ZFPM2: variants seen among roughly 807,000 people sequenced by gnomAD.
ZFPM2 encodes zinc finger protein ZFPM2.
Under a neutral mutation model 98.6 loss-of-function variants are expected in ZFPM2, and 20 were observed. That is an observed-to-expected ratio of 0.20 (90% confidence interval 0.14 to 0.29). The LOEUF (loss-of-function observed/expected upper bound fraction) is 0.29. ZFPM2 is among the 10% of genes least tolerant of loss of function. The pLI is 1.00. For synonymous variants in ZFPM2, 518 were observed against 502.7 expected, an observed-to-expected ratio of 1.03 and a Z score of -0.41; for missense variants, 1,310 against 1,388.6, an observed-to-expected ratio of 0.94 and a Z score of 0.90.
At chr8:105,338,233 C>T (rs1350909295) in intron 1 of ZFPM2, among the ~76,000 whole-genome samples, 1 of 151,736 alleles carries the variant, frequency 6.6e-6, no homozygotes, top group East Asian at 1.9e-4. Flanking sequence ...TACTTATGAC[C>T]TCTTCCTTCC....
intron 5 of ZFPM2, chr8:105,662,656 A>G (rs1817413037): frequency 8.1e-6 from 1 of 123,732 alleles, no homozygotes; most frequent in Admixed American, 8.3e-5. Flanking sequence ...CACAACCACA[A>G]CCCTTTCAAA....
At chr8:105,396,009 A>G (rs773734197) in intron 1 of ZFPM2, among the ~76,000 whole-genome samples, 4 of 152,184 alleles carry the variant, frequency 2.6e-5, no homozygotes, top group Admixed American at 2.6e-4. Flanking sequence ...CAAGTGTTTA[A>G]GCTTGTGATT....
intron 5 of ZFPM2, among the ~76,000 whole-genome samples, chr8:105,660,694 C>T (rs1469416681): frequency 2.0e-5 from 3 of 152,100 alleles, no homozygotes; most frequent in South Asian, 4.2e-4. Flanking sequence ...GAAAATGTAA[C>T]TTCTGGTATC....
intron 1 of ZFPM2, among the ~76,000 whole-genome samples, chr8:105,408,325 G>T (rs956891424): frequency 2.0e-5 from 3 of 151,890 alleles, no homozygotes; most frequent in Admixed American, 1.3e-4. Flanking sequence ...GCTTTTGGGA[G>T]CCTCTTGAGA....
At chr8:105,673,262 ATT>A (rs368759700) in intron 5 of ZFPM2, among the ~76,000 whole-genome samples, 1 of 107,442 alleles carries the variant, frequency 9.3e-6, no homozygotes, top group African/African-American at 3.7e-5. Context: ...ATCAAGTCTC[ATT>A]TTTTTTTTGT....
intron 6 of ZFPM2, among the ~76,000 whole-genome samples, chr8:105,795,351 T>TCACACA (rs34036735): frequency 8.9e-5 from 13 of 145,544 alleles, no homozygotes; most frequent in African/African-American, 2.5e-4. Context: ...TTCCTGAATG[T>TCACACA]CACACACACA....
chr8:105,445,505 C>T (rs573136965), intron 3 of ZFPM2, among the ~76,000 whole-genome samples: 1 of 150,148 alleles, frequency 6.7e-6, no homozygotes, highest in South Asian at 2.1e-4. Flanking sequence ...AAGATTCCCT[C>T]GATTAAAAAA....
chr8:105,696,562 C>T (rs1026785623), intron 5 of ZFPM2, among the ~76,000 whole-genome samples: 9 of 152,028 alleles, frequency 5.9e-5, no homozygotes, highest in African/African-American at 1.7e-4. Flanking sequence ...TAATTATTTA[C>T]GAGATAATAT....
intron 4 of ZFPM2, among the ~76,000 whole-genome samples, chr8:105,586,701 G>A (rs1472062284): frequency 2.0e-5 from 3 of 151,816 alleles, no homozygotes; most frequent in Non-Finnish European, 2.9e-5. Flanking sequence ...GATTACAGGC[G>A]TGAGCCACCA....
Position 105,443,317 on chromosome 8 carries a change from AACAAAAAAC to A in ZFPM2, c.200-961_200-953del, listed in dbSNP as rs1308277334. Among the ~76,000 whole-genome samples the A allele has an allele frequency of 3.2e-3, 472 of 148,120 alleles. 64 individuals carry two copies. The highest frequency in any genetic ancestry group is 0.012 in the African/African-American group (451 of 39,188). On this transcript the variant is annotated intron_variant, in intron 2 of 7. Coordinates refer to ENST00000407775, the MANE Select transcript of ZFPM2 (RefSeq NM_012082.4). The stretch of plus-strand genomic sequence containing the variant: ...GAGCGAGTAAGACTCCTTCTCAAAA[AACAAAAAAC>A]AAAAAAAAAAAAACTTGGCATTATT...
intron 3 of ZFPM2, among the ~76,000 whole-genome samples, chr8:105,534,430 C>G (rs983956860): frequency 4.1e-5 from 6 of 146,774 alleles, no homozygotes; most frequent in Admixed American, 2.1e-4. Context: ...TCTCTTCCTC[C>G]TTTTCTTCCT....
At chr8:105,734,034 C>T (rs1393088647) in intron 5 of ZFPM2, among the ~76,000 whole-genome samples, 2 of 151,862 alleles carry the variant, frequency 1.3e-5, no homozygotes, top group Non-Finnish European at 2.9e-5. Context: ...ATGAATAACG[C>T]AAGTCTATCA....
intron 4 of ZFPM2, among the ~76,000 whole-genome samples, chr8:105,627,773 C>T (rs375957731): frequency 4.6e-5 from 7 of 152,238 alleles, no homozygotes; most frequent in East Asian, 3.9e-4. Flanking sequence ...TTGGATCTTA[C>T]GGGTTCTGTG....
chr8:105,455,358 C>A (rs75788704), intron 3 of ZFPM2, among the ~76,000 whole-genome samples: 3,272 of 152,016 alleles, frequency 0.022, 100 homozygotes, highest in African/African-American at 0.073. Context: ...AACTGGGATT[C>A]GAATAACCTG....
At chr8:105,721,062 G>A (rs956364612) in intron 5 of ZFPM2, among the ~76,000 whole-genome samples, 3 of 151,784 alleles carry the variant, frequency 2.0e-5, no homozygotes, top group African/African-American at 7.3e-5. Flanking sequence ...AACCCTGAAC[G>A]TCTTCATTTA....
At chr8:105,627,912 C>T (rs1816688410) in intron 4 of ZFPM2, among the ~76,000 whole-genome samples, 1 of 152,220 alleles carries the variant, frequency 6.6e-6, no homozygotes, top group African/African-American at 2.4e-5. Context: ...ATGACTATCA[C>T]AACCTTTCAG....
intron 4 of ZFPM2, among the ~76,000 whole-genome samples, chr8:105,570,343 T>C (rs1815328966): frequency 6.6e-6 from 1 of 151,854 alleles, no homozygotes. Context: ...TGGAGGGGGA[T>C]TACTCAGGGA....
In ZFPM2 at chr8:105,564,464, TAA is replaced by T. The variant is rs545672688; in HGVS notation, c.420+2985_420+2986del. 2.6e-5 allele frequency among the ~76,000 whole-genome samples: 4 copies of T among 152,236 alleles called. No homozygotes were observed. The East Asian group carries it at 7.7e-4, about 29-fold the overall frequency. On this transcript the variant is annotated intron_variant, in intron 4 of 7. Coordinates refer to ENST00000407775, the MANE Select transcript of ZFPM2 (RefSeq NM_012082.4). ...AAATTTACTTCTGAGTTTATATCAT[TAA>T]ATACTACTAGTATTATTATTCCTAC...
chr8:105,414,473 A>C (rs111577512), intron 1 of ZFPM2, among the ~76,000 whole-genome samples: 2 of 152,176 alleles, frequency 1.3e-5, no homozygotes, highest in Non-Finnish European at 2.9e-5. Flanking sequence ...ATGTCTGTCG[A>C]AAGACATATG....
Sources: gnomAD v4.1 joint callset for allele counts (sites outside exome capture counted in the v4.1 genomes callset) on GRCh38, gnomAD v4.1.1 for gene constraint, MANE v1.5 for transcripts, NCBI Gene and HGNC (gene_info 2026-07-23, HGNC 2026-07-21) for gene names.